RIMOC1: variants seen among roughly 807,000 people sequenced by gnomAD.
RIMOC1 encodes RAB7A-interacting MON1-CCZ1 complex subunit 1.
At chr5:41,919,808 T>A in the RIMOC1 span, 1 of 152,200 alleles carries the variant, frequency 6.6e-6, no homozygotes, top group Non-Finnish European at 1.5e-5. Flanking sequence ...TGCTCCTTTG[T>A]TCTGGTCCTT....
the RIMOC1 span, chr5:41,916,415 T>C: frequency 6.3e-6 from 6 of 945,898 alleles, no homozygotes; most frequent in Non-Finnish European, 7.6e-6. Flanking sequence ...CAACTTTTGA[T>C]GAAAATTCTG....
the RIMOC1 span, chr5:41,919,828 C>T: frequency 3.3e-5 from 5 of 152,122 alleles, no homozygotes; most frequent in African/African-American, 4.8e-5. Context: ...TTACTCTTCC[C>T]CTCCCATGTT....
the RIMOC1 span, among the ~76,000 whole-genome samples, chr5:41,905,701 A>G: frequency 6.6e-6 from 1 of 152,260 alleles, no homozygotes; most frequent in Admixed American, 6.5e-5. Context: ...CTCTAATTCC[A>G]GATTCACTTG....
At chr5:41,905,674 A>C in the RIMOC1 span, among the ~76,000 whole-genome samples, 4 of 152,248 alleles carry the variant, frequency 2.6e-5, no homozygotes, top group Non-Finnish European at 5.9e-5. Flanking sequence ...TATTAACTTG[A>C]AAGTTATCTA....
chr5:41,906,341 C>T, the RIMOC1 span, among the ~76,000 whole-genome samples: 629 of 152,280 alleles, frequency 4.1e-3, 3 homozygotes, highest in African/African-American at 0.015. Context: ...TAGTTCTAGT[C>T]AAAATACTGC....
At chr5:41,918,621 TCA>T in the RIMOC1 span, 1 of 985,366 alleles carries the variant, frequency 1.0e-6, no homozygotes. Flanking sequence ...CAAAGTAGAA[TCA>T]CTACAAGTGT....
At chr5:41,917,345 G>T in the RIMOC1 span, 1 of 1,526,396 alleles carries the variant, frequency 6.6e-7, no homozygotes, top group African/African-American at 1.4e-5. Context: ...CAAAACCCAT[G>T]AAATGGAAAA....
the RIMOC1 span, chr5:41,916,411 T>G: frequency 1.1e-6 from 1 of 941,136 alleles, no homozygotes; most frequent in Non-Finnish European, 1.3e-6. Context: ...AGTTCAACTT[T>G]TGATGAAAAT....
the RIMOC1 span, chr5:41,909,788 G>T: frequency 6.3e-7 from 1 of 1,584,532 alleles, no homozygotes; most frequent in Non-Finnish European, 8.6e-7. Flanking sequence ...CAAGCTAGTA[G>T]ATGAAGATTT....
At chr5:41,909,918 TG>T in the RIMOC1 span, 1 of 1,527,560 alleles carries the variant, frequency 6.5e-7, no homozygotes, top group East Asian at 2.3e-5. Context: ...CTGTTAATTA[TG>T]ATGGAATATT....
the RIMOC1 span, chr5:41,918,613 A>G: frequency 2.0e-6 from 2 of 985,230 alleles, no homozygotes; most frequent in Non-Finnish European, 2.4e-6. Flanking sequence ...TAGTCCTTCA[A>G]AGTAGAATCA....
the RIMOC1 span, among the ~76,000 whole-genome samples, chr5:41,906,456 G>T: frequency 2.5e-4 from 38 of 152,254 alleles, no homozygotes; most frequent in African/African-American, 8.7e-4. Flanking sequence ...ATGGTTTAGT[G>T]AGTTCAATGC....
At chr5:41,908,928 C>T in the RIMOC1 span, among the ~76,000 whole-genome samples, 1 of 152,142 alleles carries the variant, frequency 6.6e-6, no homozygotes, top group Non-Finnish European at 1.5e-5. Context: ...ATAACATTTA[C>T]TCCTCATGTT....
the RIMOC1 span, among the ~76,000 whole-genome samples, chr5:41,914,812 T>A: frequency 6.6e-6 from 1 of 152,058 alleles, no homozygotes; most frequent in African/African-American, 2.4e-5. Context: ...TGTATCTATC[T>A]GAACACGATT....
At chr5:41,913,209 C>T in the RIMOC1 span, among the ~76,000 whole-genome samples, 1 of 152,212 alleles carries the variant, frequency 6.6e-6, no homozygotes, top group Non-Finnish European at 1.5e-5. Flanking sequence ...AAGTTTCTTA[C>T]AACCTCCATT....
chr5:41,916,883 C>A, the RIMOC1 span: 1 of 688,536 alleles, frequency 1.5e-6, no homozygotes, highest in African/African-American at 1.8e-5. Flanking sequence ...TCATATTTGG[C>A]TTTTGTGTTA....
chr5:41,917,105 G>A, the RIMOC1 span: 2 of 1,613,858 alleles, frequency 1.2e-6, no homozygotes, highest in East Asian at 4.5e-5. Flanking sequence ...TCAGCAACCA[G>A]AAAATCATGA....
At chr5:41,919,449 G>T in the RIMOC1 span, 1 of 152,064 alleles carries the variant, frequency 6.6e-6, no homozygotes, top group East Asian at 1.9e-4. Context: ...TCCTGCCCCA[G>T]CCCCCTTGTT....
At chr5:41,911,281 T>C in the RIMOC1 span, 4 of 1,101,666 alleles carry the variant, frequency 3.6e-6, no homozygotes, top group Admixed American at 9.7e-5. Flanking sequence ...AGGGTCTGAG[T>C]TTGTATTCTG....
Sources: gnomAD v4.1 joint callset for allele counts (sites outside exome capture counted in the v4.1 genomes callset) on GRCh38, gnomAD v4.1.1 for gene constraint, MANE v1.5 for transcripts, NCBI Gene and HGNC (gene_info 2026-07-23, HGNC 2026-07-21) for gene names.